The following PEX5 variants were observed in gnomAD, a reference collection of about 807,000 sequenced individuals.
PEX5 encodes the protein PTS1 receptor.
In PEX5, 52 loss-of-function variants were observed where a neutral mutation model predicts 82.9. That is an observed-to-expected ratio of 0.63 (90% CI 0.50 to 0.79). The LOEUF (loss-of-function observed/expected upper bound fraction) is 0.79. Among genes scored for constraint, PEX5 ranks in the 30% least tolerant of loss-of-function variants. The pLI, the probability that PEX5 is intolerant of heterozygous loss-of-function variation, is 0.00. For missense variants in PEX5, 719 were observed against 815.2 expected (o/e 0.88, Z 1.44); for synonymous variants, 300 against 318.8 (o/e 0.94, Z 0.63).
downstream of PEX5, among the ~76,000 whole-genome samples, chr12:7,215,894 A>G (rs1945763321): frequency 6.6e-6 from 1 of 151,268 alleles, no homozygotes; most frequent in South Asian, 2.1e-4. Context: ...AAAAGTCAAA[A>G]ACAAAACAAA....
chr12:7,191,368 G>C lies in PEX5; in HGVS notation c.316+10G>C, dbSNP rs199795417. On this transcript the variant is annotated intron_variant, in intron 4 of 15. Coordinates refer to ENST00000675855, the MANE Select transcript of PEX5 (RefSeq NM_001351132.2). ...CAGGCTCCCCAGAGAGGTGAGTCCA[G>C]AGTCTAGTGGGAGGGGAGATCGTTT... 6.2e-7 allele frequency: 1 copy of C among 1,614,202 alleles called. No individual in the cohort carries two copies. Among genetic ancestry groups the C allele is most frequent in the African/African-American group, 1.3e-5 (1 of 75,058 alleles).
intron 10 of PEX5, among the ~76,000 whole-genome samples, chr12:7,207,305 C>G (rs1944924658): frequency 6.6e-6 from 1 of 152,184 alleles, no homozygotes; most frequent in Non-Finnish European, 1.5e-5. Flanking sequence ...GACACTTTGT[C>G]TCATTACTAT....
intron 8 of PEX5, 40 bp downstream of exon 8, chr12:7,202,391 C>A: frequency 6.2e-7 from 1 of 1,611,166 alleles, no homozygotes; most frequent in Non-Finnish European, 8.5e-7. Context: ...TCAGAGCCAG[C>A]TGATGCCCCA....
Position 7,209,830 on chromosome 12 carries a change from G to T in PEX5, c.1708G>T (p.Gly570Trp). ...CCTGGGCATCAGCTGCATCAACCTC[G>T]GGGCTCACCGGTGAGAGTATCTATT... ...YNLGISCINL[G>W]AHREAVEHFL... The change falls in exon 15 of 16, where the codon GGG becomes TGG. Residue 570 changes from glycine (G) to tryptophan (W), a missense_variant. Coordinates refer to ENST00000675855, the MANE Select transcript of PEX5 (RefSeq NM_001351132.2). 1 of 1,614,150 alleles carries T rather than the reference G, an allele frequency of 6.2e-7. No homozygotes were observed. The highest frequency in any genetic ancestry group is 8.5e-7 in the Non-Finnish European group (1 of 1,180,022).
chr12:7,202,464 G>C lies in PEX5; in HGVS notation c.753+113G>C. The C allele has an allele frequency of 2.8e-6, 4 of 1,446,194 alleles. No individual in the cohort carries two copies. The South Asian group carries it at 4.7e-5, about 17-fold the overall frequency. The allele number at this position is 1,446,194 out of a possible 1,614,324, so 89.6% of individuals were successfully genotyped here. A position where few individuals can be genotyped will look rare whatever the true frequency, so the allele number is the denominator to read the frequency against. On this transcript the variant is annotated intron_variant, in intron 8 of 15. Coordinates refer to ENST00000675855, the MANE Select transcript of PEX5 (RefSeq NM_001351132.2). ...AGGATAAGACCAGCTTGTCTTGATA[G>C]CATCCAGGTCCCAAGTGGGTGGGAA...
chr12:7,208,040 G>C lies in PEX5; in HGVS notation c.1141G>C (p.Glu381Gln). Reference sequence around the variant, plus strand: ...GCAGTATCTGGGTACCACCCAGGCAGAGAATGAACAAGAACTATTAGCCAT... The same window carrying C: ...GCAGTATCTGGGTACCACCCAGGCACAGAATGAACAAGAACTATTAGCCAT... The part of the protein sequence containing the change: ...AWQYLGTTQA[E>Q]NEQELLAISA... The change falls in exon 12 of 16, where the codon GAG becomes CAG. Residue 381 changes from glutamate to glutamine, a missense_variant. By Grantham distance (29) the Glu-to-Gln change is conservative. Transcript: ENST00000675855. The C allele has an allele frequency of 6.2e-7, 1 of 1,614,062 alleles. No homozygotes were observed. The highest frequency in any genetic ancestry group is 8.5e-7 in the Non-Finnish European group (1 of 1,179,880).
At chr12:7,190,061 C>T (rs1232886102) in intron 1 of PEX5, 1 of 1,499,826 alleles carries the variant, frequency 6.7e-7, no homozygotes, top group Non-Finnish European at 8.8e-7. Context: ...TCCCCGTGGT[C>T]CCCCGGGGTC....
At chr12:7,193,234 C>CTTTTTTTTTT (rs11339507) in intron 5 of PEX5, among the ~76,000 whole-genome samples, 15 of 121,118 alleles carry the variant, frequency 1.2e-4, no homozygotes, top group African/African-American at 4.4e-4. Context: ...TCTTGAGATT[C>CTTTTTTTTTT]TTTTTTTTTT....
Position 7,199,890 on chromosome 12 carries a change from A to G in PEX5, c.551+777A>G, listed in dbSNP as rs1161501227. 5.8e-4 allele frequency among the ~76,000 whole-genome samples: 9 copies of G among 15,534 alleles called. 1 individual carries two copies. The highest frequency in any genetic ancestry group is 3.4e-3 in the Admixed American group (4 of 1,176). 10.2% of individuals were successfully genotyped at this position (15,534 alleles called of 152,430 possible). A position where few individuals can be genotyped will look rare whatever the true frequency, so the allele number is the denominator to read the frequency against. On this transcript the variant is annotated intron_variant, in intron 6 of 15. Transcript: ENST00000675855. Reference sequence around the variant, plus strand: ...CTGGCCGGGCAGGGGGCTGACCCCCACCTCCCTCCCGGACGGGGCGGCTGG... The same window carrying G: ...CTGGCCGGGCAGGGGGCTGACCCCCGCCTCCCTCCCGGACGGGGCGGCTGG...
intron 5 of PEX5, among the ~76,000 whole-genome samples, chr12:7,195,998 C>A (rs1793490776): frequency 7.2e-6 from 1 of 138,822 alleles, no homozygotes; most frequent in South Asian, 2.2e-4. Context: ...AAAAAAATTG[C>A]CAACCATATT....
At chr12:7,195,205 A>G (rs943742728) in intron 5 of PEX5, among the ~76,000 whole-genome samples, 2 of 152,212 alleles carry the variant, frequency 1.3e-5, no homozygotes, top group Admixed American at 1.3e-4. Flanking sequence ...TGAGTAAACA[A>G]CGAGAAATTA....
downstream of PEX5, among the ~76,000 whole-genome samples, chr12:7,215,604 G>T (rs946312277): frequency 6.6e-6 from 1 of 152,142 alleles, no homozygotes; most frequent in Admixed American, 6.5e-5. Flanking sequence ...CATGGTTGCC[G>T]CTGGAGGCCA....
chr12:7,189,169 A>AC (rs1940429227), upstream of PEX5: 1 of 151,690 alleles, frequency 6.6e-6, no homozygotes, highest in Non-Finnish European at 1.5e-5. Flanking sequence ...CAGTGACGCT[A>AC]CCCCGCTAGG....
chr12:7,202,083 T>C, intron 7 of PEX5, 158 bp from the exon 8 acceptor site: 1 of 1,179,226 alleles, frequency 8.5e-7, no homozygotes, highest in East Asian at 2.5e-5. Context: ...GAAATCCCTT[T>C]CTTTTTGCTC....
intron 17 of PEX5, among the ~76,000 whole-genome samples, chr12:7,218,164 GATT>G (rs548389894): frequency 9.0e-4 from 137 of 152,224 alleles, no homozygotes; most frequent in Non-Finnish European, 1.8e-3. Flanking sequence ...ATTTATTGAC[GATT>G]ATTATGATAG....
chr12:7,208,892 C>T, intron 13 of PEX5, 113 bp from the exon 14 acceptor site: 1 of 1,050,230 alleles, frequency 9.5e-7, no homozygotes, highest in East Asian at 2.4e-5. Flanking sequence ...GAAGAGATGA[C>T]TGATAGATTG....
At chr12:7,197,452 T>TAA (rs1168043102) in intron 5 of PEX5, among the ~76,000 whole-genome samples, 1 of 111,838 alleles carries the variant, frequency 8.9e-6, no homozygotes, top group Non-Finnish European at 2.1e-5. Context: ...ATGTTATATA[T>TAA]AATGTAATAA....
At chr12:7,203,665 CG>C in intron 10 of PEX5, 114 bp downstream of exon 10, 1 of 1,012,734 alleles carries the variant, frequency 9.9e-7, no homozygotes. Flanking sequence ...TCCCTTTCCA[CG>C]AAAAGAAGTC....
chr12:7,191,429 G>A, intron 4 of PEX5, 71 bp downstream of exon 4: 2 of 1,606,704 alleles, frequency 1.2e-6, no homozygotes, highest in Non-Finnish European at 1.7e-6. Flanking sequence ...GGGTTCCATT[G>A]GATGCTGCTG....
Sources: allele counts gnomAD v4.1 joint callset (sites outside exome capture counted in the v4.1 genomes callset), GRCh38; gene constraint gnomAD v4.1.1; transcripts MANE v1.5; gene names NCBI Gene and HGNC (gene_info 2026-07-23, HGNC 2026-07-21).